TRIP4: variants seen among roughly 807,000 people sequenced by gnomAD.
TRIP4 encodes the protein activating signal cointegrator 1.
Under a neutral mutation model 81.8 loss-of-function variants are expected in TRIP4, and 54 were observed. The observed-to-expected ratio is 0.66, with a 90% CI of 0.53 to 0.83. TRIP4 has a LOEUF of 0.83. Among genes scored for constraint, TRIP4 ranks in the 40% least tolerant of loss-of-function variants. TRIP4 has a pLI of 0.00. For synonymous variants in TRIP4, 270 were observed against 242.8 expected (o/e 1.11, Z -1.04); for missense variants, 662 against 683.6 (o/e 0.97, Z 0.35).
At chr15:64,400,374 A>C (rs891947091) in intron 4 of TRIP4, among the ~76,000 whole-genome samples, 4 of 143,840 alleles carry the variant, frequency 2.8e-5, no homozygotes, top group African/African-American at 1.0e-4. Context: ...GGGTTTGGCC[A>C]TGTTGCCCAG....
intron 8 of TRIP4, among the ~76,000 whole-genome samples, chr15:64,416,528 G>A (rs911645063): frequency 6.6e-6 from 1 of 152,130 alleles, no homozygotes; most frequent in African/African-American, 2.4e-5. Flanking sequence ...GTCAAGACCA[G>A]CCTGGGCAAC....
intron 2 of TRIP4, among the ~76,000 whole-genome samples, chr15:64,394,634 C>T (rs913007101): frequency 2.0e-5 from 3 of 147,214 alleles, no homozygotes; most frequent in African/African-American, 5.0e-5. Flanking sequence ...GAAAATATCA[C>T]AAAAAAATGT....
chr15:64,428,711 C>T (rs1596353846), intron 11 of TRIP4, among the ~76,000 whole-genome samples: 1 of 152,062 alleles, frequency 6.6e-6, no homozygotes, highest in Admixed American at 6.6e-5. Context: ...CAGGATCAAG[C>T]GATTCTCTTG....
intron 3 of TRIP4, among the ~76,000 whole-genome samples, chr15:64,397,372 G>A (rs1179484214): frequency 6.6e-6 from 1 of 152,062 alleles, no homozygotes; most frequent in Non-Finnish European, 1.5e-5. Flanking sequence ...CTATAGTAAT[G>A]GGCTGAAAGC....
At chr15:64,405,111 T>C (rs1264493162) in intron 5 of TRIP4, among the ~76,000 whole-genome samples, 1 of 152,128 alleles carries the variant, frequency 6.6e-6, no homozygotes, top group African/African-American at 2.4e-5. Flanking sequence ...TTTAGAGTTA[T>C]ACTCGAGCTC....
At chr15:64,434,274 C>G (rs1457129971) in intron 11 of TRIP4, among the ~76,000 whole-genome samples, 1 of 152,066 alleles carries the variant, frequency 6.6e-6, no homozygotes, top group African/African-American at 2.4e-5. Flanking sequence ...TGGCGCATGC[C>G]TGTAATCCCA....
intron 11 of TRIP4, among the ~76,000 whole-genome samples, chr15:64,442,087 C>G (rs1319972381): frequency 1.3e-5 from 2 of 151,336 alleles, no homozygotes; most frequent in Non-Finnish European, 2.9e-5. Flanking sequence ...AATGGGGGGC[C>G]AGATTGTCTA....
At chr15:64,389,768 G>T (rs936217156) in intron 1 of TRIP4, among the ~76,000 whole-genome samples, 2 of 143,958 alleles carry the variant, frequency 1.4e-5, no homozygotes, top group Admixed American at 1.4e-4. Flanking sequence ...GCAGTGGTGC[G>T]ATCTCAGCTC....
In TRIP4 at chr15:64,418,539, A is replaced by G; in HGVS notation, c.1171-2A>G. The G allele has an allele frequency of 6.8e-6, 11 of 1,609,880 alleles. No homozygotes were observed. The highest frequency in any genetic ancestry group is 9.3e-6 in the Non-Finnish European group (11 of 1,178,646). On this transcript the variant is annotated splice_acceptor_variant, in intron 8 of 12. Transcript: ENST00000261884. LOFTEE classifies it high-confidence loss of function. The stretch of plus-strand genomic sequence containing the variant: ...GAACTGTATGTTTGTTTTTCTGTGT[A>G]GTGGGTTGACCACACAGGTGCAGCC...
chr15:64,441,777 A>T (rs919870768), intron 11 of TRIP4, among the ~76,000 whole-genome samples: 21 of 151,194 alleles, frequency 1.4e-4, no homozygotes, highest in Admixed American at 3.3e-4. Flanking sequence ...CGTCTCAAAA[A>T]ATATATATAT....
intron 2 of TRIP4, among the ~76,000 whole-genome samples, chr15:64,394,521 C>T (rs1321376121): frequency 2.0e-5 from 3 of 149,166 alleles, no homozygotes; most frequent in Non-Finnish European, 3.0e-5. Flanking sequence ...AGGAGAATGG[C>T]GTGAACCTGG....
intron 8 of TRIP4, among the ~76,000 whole-genome samples, chr15:64,416,447 G>A (rs1457175927): frequency 1.3e-5 from 2 of 152,102 alleles, no homozygotes; most frequent in Non-Finnish European, 2.9e-5. Flanking sequence ...TTCCAGCCAG[G>A]TGTGGTGGCT....
intron 11 of TRIP4, among the ~76,000 whole-genome samples, chr15:64,434,651 A>C (rs1352028095): frequency 3.9e-5 from 6 of 152,178 alleles, no homozygotes; most frequent in Non-Finnish European, 7.3e-5. Context: ...GTAGTCCAGG[A>C]TAGAGATGTT....
chr15:64,444,613 T>C (rs36123861), intron 11 of TRIP4: 1,553 of 153,164 alleles, frequency 0.01, 14 homozygotes, highest in Non-Finnish European at 0.016. Flanking sequence ...TCTTAAGTCT[T>C]CCAGTGCTTC....
intron 4 of TRIP4, among the ~76,000 whole-genome samples, chr15:64,399,107 G>A (rs1204351574): frequency 1.3e-5 from 2 of 151,612 alleles, no homozygotes; most frequent in African/African-American, 2.4e-5. Context: ...ACACCACCAC[G>A]CCCAGCTAAT....
intron 11 of TRIP4, among the ~76,000 whole-genome samples, chr15:64,431,847 A>ATATATATATATATATATATATATTT: frequency 3.3e-5 from 4 of 119,550 alleles, no homozygotes; most frequent in African/African-American, 1.3e-4. Flanking sequence ...ATATATATAT[A>ATATATATATATATATATATATATTT]TTTTTTTTAT....
intron 8 of TRIP4, among the ~76,000 whole-genome samples, chr15:64,414,755 G>C (rs1018132344): frequency 9.9e-5 from 15 of 152,008 alleles, no homozygotes; most frequent in African/African-American, 3.6e-4. Context: ...CTGACCTCGT[G>C]ATCTACCTGC....
At chr15:64,427,709 T>TATAATCTAGAGGG (rs2140302722) in intron 11 of TRIP4, among the ~76,000 whole-genome samples, 1 of 152,338 alleles carries the variant, frequency 6.6e-6, no homozygotes, top group African/African-American at 2.4e-5. Context: ...TTGTTATCCC[T>TATAATCTAGAGGG]CTAGATTTAT....
chr15:64,452,673 G>A (rs941714257), intron 12 of TRIP4, among the ~76,000 whole-genome samples: 1 of 152,104 alleles, frequency 6.6e-6, no homozygotes, highest in African/African-American at 2.4e-5. Flanking sequence ...AAATCTTTCT[G>A]GCACAAGGTT....
Sources: gnomAD v4.1 joint callset for allele counts (sites outside exome capture counted in the v4.1 genomes callset) on GRCh38, gnomAD v4.1.1 for gene constraint, MANE v1.5 for transcripts, NCBI Gene and HGNC (gene_info 2026-07-23, HGNC 2026-07-21) for gene names.